CARHSP1: variants seen among roughly 807,000 people sequenced by gnomAD.
CARHSP1 encodes calcium regulated heat stable protein 1.
In CARHSP1, 14 loss-of-function variants were observed where a neutral mutation model predicts 12.5. The observed-to-expected ratio is 1.12, with a 90% CI of 0.74 to 1.75. CARHSP1 has a LOEUF of 1.75. CARHSP1 is among the 40% of genes most tolerant of loss of function. CARHSP1 has a pLI of 0.00. For missense variants in CARHSP1, 343 were observed against 201.6 expected, an observed-to-expected ratio of 1.70 and a Z score of -4.25; for synonymous variants, 161 against 82.0, an observed-to-expected ratio of 1.96 and a Z score of -5.20.
At chr16:8,860,478 G>A (rs1057222787) in intron 1 of CARHSP1, 115 of 985,250 alleles carry the variant, frequency 1.2e-4, no homozygotes, top group Admixed American at 2.5e-4. Flanking sequence ...CGGCTCTAAC[G>A]TGGCCTCAGC....
At chr16:8,866,185 C>G (rs1387668265) in intron 1 of CARHSP1, among the ~76,000 whole-genome samples, 1 of 152,168 alleles carries the variant, frequency 6.6e-6, no homozygotes, top group Admixed American at 6.5e-5. Flanking sequence ...ACCTCCCAGG[C>G]TCAAGAGATT....
chr16:8,857,468 TTTTTTGTA>T, intron 3 of CARHSP1: 1 of 69,748 alleles, frequency 1.4e-5, no homozygotes, highest in Non-Finnish European at 2.8e-5. Flanking sequence ...TTTTTTCTAT[TTTTTTGTA>T]TTTTTGTGAT....
intron 1 of CARHSP1, among the ~76,000 whole-genome samples, chr16:8,862,807 C>T (rs928309360): frequency 2.0e-5 from 3 of 152,086 alleles, no homozygotes; most frequent in South Asian, 2.1e-4. Flanking sequence ...GGAATCATGC[C>T]GCGTCATCAT....
chr16:8,866,969 A>C (rs1216379363), intron 1 of CARHSP1, among the ~76,000 whole-genome samples: 7 of 151,992 alleles, frequency 4.6e-5, no homozygotes, highest in Admixed American at 4.6e-4. Flanking sequence ...AAACCCGAGG[A>C]GTGTACCGGG....
intron 1 of CARHSP1, among the ~76,000 whole-genome samples, chr16:8,863,112 CTTTT>C (rs71155412): frequency 0.15 from 11,029 of 73,524 alleles, 480 homozygotes; most frequent in Middle Eastern, 0.23. Context: ...ACAAGGATGG[CTTTT>C]TTTTTTTTTT....
chr16:8,864,026 A>T (rs962043920), intron 1 of CARHSP1, among the ~76,000 whole-genome samples: 1 of 152,334 alleles, frequency 6.6e-6, no homozygotes, highest in Non-Finnish European at 1.5e-5. Context: ...GGAAGGCTGC[A>T]AACAGATCCG....
intron 1 of CARHSP1, among the ~76,000 whole-genome samples, chr16:8,862,838 CCAT>C (rs963814700): frequency 5.1e-4 from 78 of 152,260 alleles, no homozygotes; most frequent in African/African-American, 1.8e-3. Flanking sequence ...GTCATTGTCA[CCAT>C]CGTCGTCCTC....
intron 1 of CARHSP1, among the ~76,000 whole-genome samples, chr16:8,864,663 C>T (rs562731476): frequency 5.5e-4 from 83 of 152,190 alleles, no homozygotes; most frequent in Non-Finnish European, 6.3e-4. Context: ...CCCAGCTGGC[C>T]ATGCACCCCC....
rs1044664240 is a variant in CARHSP1, at chr16:8,863,262, G to A, written c.-7-3927C>T. The stretch of plus-strand genomic sequence containing the variant: ...CCAGCCTCCTGGGTTGTGGGACTAC[G>A]GCCACGTGCCACCACAACCAGCTCA... On this transcript the variant is annotated intron_variant, in intron 1 of 3. Coordinates refer to ENST00000311052, the MANE Select transcript of CARHSP1 (RefSeq NM_014316.4). Among the ~76,000 whole-genome samples the A allele has an allele frequency of 2.7e-5, 4 of 150,678 alleles. No homozygotes were observed. The East Asian group carries it at 5.9e-4, about 22-fold the overall frequency.
intron 3 of CARHSP1, among the ~76,000 whole-genome samples, chr16:8,856,009 A>G (rs117646454): frequency 0.033 from 5,072 of 152,232 alleles, 126 homozygotes; most frequent in Non-Finnish European, 0.053. Context: ...GGGTTTCACC[A>G]TGTTAGCCAG....
chr16:8,866,603 A>G, intron 1 of CARHSP1: 1 of 246,868 alleles, frequency 4.1e-6, no homozygotes, highest in African/African-American at 2.3e-5. Context: ...AGAACGAGCC[A>G]GAGGTTGACG....
chr16:8,866,373 GA>G, intron 1 of CARHSP1: 1 of 918,508 alleles, frequency 1.1e-6, no homozygotes, highest in Non-Finnish European at 1.3e-6. Context: ...AGGTGGAAGG[GA>G]AATGGCGCAG....
intron 1 of CARHSP1, 60 bp from the exon 2 acceptor site, chr16:8,859,395 C>A (rs1018493122): frequency 2.7e-6 from 4 of 1,456,472 alleles, no homozygotes; most frequent in African/African-American, 1.4e-5. Context: ...CCTGTGCTTA[C>A]CCCCATGTCC....
intron 1 of CARHSP1, among the ~76,000 whole-genome samples, chr16:8,862,045 C>T (rs2061372919): frequency 7.4e-6 from 1 of 136,012 alleles, no homozygotes; most frequent in Admixed American, 8.0e-5. Context: ...TGCTGTCGCC[C>T]AGGCTGGAGT....
intron 3 of CARHSP1, chr16:8,858,055 G>A (rs145649020): frequency 1.7e-4 from 64 of 375,770 alleles, no homozygotes; most frequent in African/African-American, 1.8e-4. Flanking sequence ...GAGCCACCAC[G>A]CCCAGCACAC....
chr16:8,861,904 G>A (rs180945014), intron 1 of CARHSP1: 84 of 817,348 alleles, frequency 1.0e-4, no homozygotes, highest in Non-Finnish European at 1.2e-4. Flanking sequence ...CAGTGGCCTC[G>A]CAACTCCACA....
intron 3 of CARHSP1, among the ~76,000 whole-genome samples, chr16:8,856,188 G>A (rs545001087): frequency 1.3e-5 from 2 of 152,300 alleles, no homozygotes; most frequent in South Asian, 2.1e-4. Flanking sequence ...CCACCCCCAG[G>A]AAGGTTCCCT....
chr16:8,858,934 C>T lies in CARHSP1; in HGVS notation c.158+237G>A, dbSNP rs185094019. ...GGTTAAAGCCCAGCGATTCTGACCCCAGCAACTGCCCACCCATTGCCACTC... is the reference window on the plus strand; with the variant it reads ...GGTTAAAGCCCAGCGATTCTGACCCTAGCAACTGCCCACCCATTGCCACTC... On this transcript the variant is annotated intron_variant, in intron 2 of 3. Coordinates refer to ENST00000311052, the MANE Select transcript of CARHSP1 (RefSeq NM_014316.4). 1.1e-5 allele frequency: 5 copies of T among 465,972 alleles called. 1 individual carries two copies. In the Admixed American group the frequency reaches 1.8e-4, roughly 17 times the overall value. The allele number at this position is 465,972 out of a possible 1,614,324, so 28.9% of individuals were successfully genotyped here.
intron 2 of CARHSP1, 182 bp downstream of exon 2, chr16:8,858,989 G>A (rs2061249682): frequency 1.8e-6 from 1 of 553,418 alleles, no homozygotes; most frequent in Admixed American, 3.2e-5. Context: ...TCTGGGCTGG[G>A]CAGTACCCTG....
Sources: gnomAD v4.1 joint callset for allele counts (sites outside exome capture counted in the v4.1 genomes callset) on GRCh38, gnomAD v4.1.1 for gene constraint, MANE v1.5 for transcripts, NCBI Gene and HGNC (gene_info 2026-07-23, HGNC 2026-07-21) for gene names.